Variants in ZNF536 observed in about 807,000 individuals in gnomAD.
The protein encoded by ZNF536 is zinc finger protein 536.
Under a neutral mutation model 84.5 loss-of-function variants are expected in ZNF536, and 13 were observed. That is an observed-to-expected ratio of 0.15 (90% CI 0.10 to 0.24). ZNF536 has a LOEUF of 0.24. Among genes scored for constraint, ZNF536 ranks in the 10% least tolerant of loss-of-function variants. The pLI is 1.00. For synonymous variants in ZNF536, 811 were observed against 742.5 expected (o/e 1.09, Z -1.50); for missense variants, 1,536 against 1,747.5 (o/e 0.88, Z 2.16).
At chr19:30,344,672 G>GGC (rs1485281865) in intron 2 of ZNF536, among the ~76,000 whole-genome samples, 1 of 92,082 alleles carries the variant, frequency 1.1e-5, no homozygotes, top group Non-Finnish European at 2.1e-5. Flanking sequence ...AGAGCAGGCA[G>GGC]GCCATTTTTT....
At chr19:30,286,496 GAGAC>G (rs199641574) in intron 2 of ZNF536, among the ~76,000 whole-genome samples, 1,654 of 151,790 alleles carry the variant, frequency 0.011, 8 homozygotes, top group South Asian at 0.026. Flanking sequence ...GAGAGAGAGA[GAGAC>G]AGACAGAGAA....
chr19:30,226,042 C>T (rs2022592364), upstream of ZNF536, among the ~76,000 whole-genome samples: 1 of 151,872 alleles, frequency 6.6e-6, no homozygotes, highest in South Asian at 2.1e-4. The surrounding 1 kb of genome is among the most constrained non-coding windows in gnomAD (Gnocchi z 4.6). Context: ...TGCGCCTGGG[C>T]CGCCGCCTCC....
intron 1 of ZNF536, among the ~76,000 whole-genome samples, chr19:30,606,170 TAAATAAAATA>T (rs11454529): frequency 4.9e-5 from 5 of 101,626 alleles, no homozygotes; most frequent in South Asian, 3.1e-4. Flanking sequence ...TAAAATAAAA[TAAATAAAATA>T]AAATAAAATA....
intron 1 of ZNF536, among the ~76,000 whole-genome samples, chr19:30,697,452 CT>C (rs1269678866): frequency 1.3e-5 from 2 of 152,324 alleles, no homozygotes; most frequent in East Asian, 3.9e-4. Flanking sequence ...TACTTACAGC[CT>C]TTTCTAGCAG....
At chr19:30,703,312 C>T (rs980873209) in intron 1 of ZNF536, among the ~76,000 whole-genome samples, 1 of 152,150 alleles carries the variant, frequency 6.6e-6, no homozygotes, top group Non-Finnish European at 1.5e-5. Flanking sequence ...GGCTCAGATT[C>T]CTCCTGGCAG....
At chr19:30,643,695 T>C (rs2049352148) in intron 1 of ZNF536, among the ~76,000 whole-genome samples, 1 of 151,890 alleles carries the variant, frequency 6.6e-6, no homozygotes, top group African/African-American at 2.4e-5. Flanking sequence ...TGTGGAAGCA[T>C]GGAGGTGGGA....
intron 2 of ZNF536, among the ~76,000 whole-genome samples, chr19:30,515,579 C>A (rs187590414): frequency 5.3e-5 from 8 of 152,226 alleles, no homozygotes; most frequent in African/African-American, 1.7e-4. Context: ...CAGGAAGGCA[C>A]CTCAGGAAGC....
intron 3 of ZNF536, among the ~76,000 whole-genome samples, chr19:30,361,735 G>A (rs918282175): frequency 6.7e-6 from 1 of 148,388 alleles, no homozygotes; most frequent in Non-Finnish European, 1.5e-5. Context: ...GTGGGGTTGA[G>A]CCTGGACGTA....
chr19:30,589,710 G>T (rs778355487), intron 1 of ZNF536, among the ~76,000 whole-genome samples: 1 of 152,166 alleles, frequency 6.6e-6, no homozygotes, highest in African/African-American at 2.4e-5. Context: ...TGGGCTTAGA[G>T]TCCACCCAGT....
intron 1 of ZNF536, among the ~76,000 whole-genome samples, chr19:30,590,623 A>G (rs2047244789): frequency 1.3e-5 from 2 of 152,192 alleles, no homozygotes; most frequent in South Asian, 4.1e-4. Flanking sequence ...CAGAGCTGGA[A>G]GTAAGCACCC....
At chr19:30,282,016 A>G (rs1352185360) in intron 1 of ZNF536, among the ~76,000 whole-genome samples, 1 of 152,164 alleles carries the variant, frequency 6.6e-6, no homozygotes, top group Admixed American at 6.5e-5. Context: ...TGTTTCTTTC[A>G]TTGAGGAAGA....
chr19:30,498,920 G>C (rs937690120), intron 2 of ZNF536, among the ~76,000 whole-genome samples: 1 of 152,138 alleles, frequency 6.6e-6, no homozygotes, highest in Non-Finnish European at 1.5e-5. Flanking sequence ...CAGCCCGTGC[G>C]ATCCTGTTCA....
intron 1 of ZNF536, among the ~76,000 whole-genome samples, chr19:30,394,307 C>G (rs1302557653): frequency 6.6e-6 from 1 of 152,168 alleles, no homozygotes; most frequent in Non-Finnish European, 1.5e-5. Flanking sequence ...CCGTGATGAA[C>G]CCTTACACAT....
At chr19:30,462,631 G>A (rs573967992) in intron 2 of ZNF536, among the ~76,000 whole-genome samples, 1 of 152,020 alleles carries the variant, frequency 6.6e-6, no homozygotes, top group East Asian at 1.9e-4. Flanking sequence ...GTTAGGATGT[G>A]GCATTTGGGT....
At chr19:30,478,450 T>C (rs1323226307) in intron 2 of ZNF536, among the ~76,000 whole-genome samples, 1 of 151,950 alleles carries the variant, frequency 6.6e-6, no homozygotes, top group African/African-American at 2.4e-5. Context: ...AGAAAGCCTT[T>C]CAGATGGGGG....
chr19:30,509,063 G>A (rs1031842745), intron 2 of ZNF536, among the ~76,000 whole-genome samples: 6 of 150,282 alleles, frequency 4.0e-5, no homozygotes, highest in African/African-American at 1.5e-4. Context: ...TGGGGCTCCC[G>A]GGCTTGAGTG....
At chr19:30,410,465 CTTTTTTTTTTTT>C (rs201561646) in intron 1 of ZNF536, among the ~76,000 whole-genome samples, 1 of 122,632 alleles carries the variant, frequency 8.2e-6, no homozygotes, top group African/African-American at 4.0e-5. Context: ...AAGTGAAGGT[CTTTTTTTTTTTT>C]TTTTTTTTTT....
chr19:30,325,283 C>A (rs913452158), intron 2 of ZNF536, among the ~76,000 whole-genome samples: 4 of 152,218 alleles, frequency 2.6e-5, no homozygotes, highest in Non-Finnish European at 5.9e-5. Context: ...CTCTCACCCC[C>A]ACCCTTGGGG....
chr19:30,463,105 A>T (rs1356971770), intron 2 of ZNF536, among the ~76,000 whole-genome samples: 1 of 151,560 alleles, frequency 6.6e-6, no homozygotes, highest in Non-Finnish European at 1.5e-5. Flanking sequence ...GTGTGTTGGG[A>T]TGCGTGTATC....
Sources: allele counts gnomAD v4.1 joint callset (sites outside exome capture counted in the v4.1 genomes callset), GRCh38; gene constraint gnomAD v4.1.1; non-coding constraint Gnocchi (gnomAD v3.1); transcripts MANE v1.5; gene names NCBI Gene and HGNC (gene_info 2026-07-23, HGNC 2026-07-21).